The following RHOJ variants were observed in gnomAD, a reference collection of about 807,000 sequenced individuals.
RHOJ encodes rho-related GTP-binding protein RhoJ.
RHOJ carries 11 observed loss-of-function variants against 23.4 expected under a neutral mutation model. The observed-to-expected ratio is 0.47, with a 90% confidence interval of 0.30 to 0.78. RHOJ has a LOEUF of 0.78. Ranked by LOEUF, RHOJ falls within the 30% of genes least tolerant of loss-of-function variation. The pLI is 0.08. For synonymous variants in RHOJ, 102 were observed against 102.7 expected (o/e 0.99, Z 0.04); for missense variants, 254 against 273.4 (o/e 0.93, Z 0.50).
At chr14:63,260,459 G>A (rs1895252431) in intron 1 of RHOJ, among the ~76,000 whole-genome samples, 1 of 152,124 alleles carries the variant, frequency 6.6e-6, no homozygotes, top group Non-Finnish European at 1.5e-5. Context: ...TTTAAGTGAT[G>A]GGAGGTAAGT....
At chr14:63,269,950 G>A (rs1300896956) in intron 2 of RHOJ, among the ~76,000 whole-genome samples, 2 of 152,224 alleles carry the variant, frequency 1.3e-5, no homozygotes, top group Admixed American at 1.3e-4. Context: ...CGGATTGGTG[G>A]AGGGGAAGTG....
intron 1 of RHOJ, among the ~76,000 whole-genome samples, chr14:63,257,291 C>T (rs1375751374): frequency 4.7e-5 from 7 of 148,932 alleles, no homozygotes; most frequent in African/African-American, 1.7e-4. Flanking sequence ...CGACCCAGTC[C>T]CCAGCATCCC....
intron 1 of RHOJ, among the ~76,000 whole-genome samples, chr14:63,228,084 C>T (rs1317915068): frequency 2.0e-5 from 3 of 152,292 alleles, no homozygotes; most frequent in African/African-American, 7.2e-5. Context: ...AGGTGAAAGG[C>T]CATAGATTCT....
intron 3 of RHOJ, 129 bp downstream of exon 3, chr14:63,281,264 G>A: frequency 1.1e-6 from 1 of 880,340 alleles, no homozygotes; most frequent in East Asian, 2.8e-5. Flanking sequence ...CCTATGAACA[G>A]AAGTTCTTAA....
intron 2 of RHOJ, among the ~76,000 whole-genome samples, chr14:63,275,621 C>T (rs1881691519): frequency 6.6e-6 from 1 of 152,164 alleles, no homozygotes; most frequent in Admixed American, 6.5e-5. Flanking sequence ...CAAATCCTTC[C>T]CTGCACTCCC....
At chr14:63,208,089 T>C (rs1326279188) in intron 1 of RHOJ, among the ~76,000 whole-genome samples, 2 of 152,184 alleles carry the variant, frequency 1.3e-5, no homozygotes, top group Non-Finnish European at 2.9e-5. Context: ...TAATTAACAA[T>C]ATGTTTATAT....
At chr14:63,236,555 G>A (rs1205053962) in intron 1 of RHOJ, among the ~76,000 whole-genome samples, 3 of 152,012 alleles carry the variant, frequency 2.0e-5, no homozygotes, top group Non-Finnish European at 2.9e-5. Flanking sequence ...CCACAAGAAC[G>A]GCACGGGAAA....
At chr14:63,234,329 C>G (rs1461242701) in intron 1 of RHOJ, among the ~76,000 whole-genome samples, 1 of 152,208 alleles carries the variant, frequency 6.6e-6, no homozygotes, top group Non-Finnish European at 1.5e-5. Flanking sequence ...CTCTGCTCCT[C>G]CGACTAAACT....
intron 2 of RHOJ, among the ~76,000 whole-genome samples, chr14:63,274,773 C>T (rs972006354): frequency 1.3e-5 from 2 of 152,166 alleles, no homozygotes; most frequent in Non-Finnish European, 2.9e-5. Context: ...ACCATAGTCA[C>T]AAACCCAGAG....
At chr14:63,231,814 C>T (rs574160576) in intron 1 of RHOJ, among the ~76,000 whole-genome samples, 14 of 152,212 alleles carry the variant, frequency 9.2e-5, no homozygotes, top group Non-Finnish European at 1.9e-4. Context: ...ATACTTGATA[C>T]AACTTTTTTT....
At chr14:63,253,241 TC>T (rs1287217958) in intron 1 of RHOJ, among the ~76,000 whole-genome samples, 1 of 152,166 alleles carries the variant, frequency 6.6e-6, no homozygotes, top group Non-Finnish European at 1.5e-5. Flanking sequence ...AAAGTACACT[TC>T]CCTGAATGCT....
intron 1 of RHOJ, among the ~76,000 whole-genome samples, chr14:63,238,940 G>A (rs2139629776): frequency 6.6e-6 from 1 of 152,320 alleles, no homozygotes; most frequent in Non-Finnish European, 1.5e-5. Flanking sequence ...TGAGTGGGCA[G>A]CAGAGTTGGA....
intron 1 of RHOJ, among the ~76,000 whole-genome samples, chr14:63,225,267 A>T (rs1894571727): frequency 6.6e-6 from 1 of 152,146 alleles, no homozygotes; most frequent in African/African-American, 2.4e-5. Context: ...ATATATTTTT[A>T]AACAATAAAG....
chr14:63,243,529 G>A (rs555440793), intron 1 of RHOJ, among the ~76,000 whole-genome samples: 25 of 152,170 alleles, frequency 1.6e-4, no homozygotes, highest in African/African-American at 4.3e-4. Context: ...TAGTAGAGAC[G>A]GGGTTTCCCC....
At position 63,216,284 on chromosome 14, in the gene RHOJ, T is replaced by A. The variant is rs534387211; in HGVS notation, c.178+11237T>A. ...CTAGAGGCAAAGGGAAAAACTTAAT[T>A]ACTTGAAGTATGTGCTGCATACATT... On this transcript the variant is annotated intron_variant, in intron 1 of 4. Coordinates refer to ENST00000316754, the MANE Select transcript of RHOJ (RefSeq NM_020663.5). 2.6e-5 allele frequency among the ~76,000 whole-genome samples: 4 copies of A among 152,346 alleles called. No individual in the cohort carries two copies. In the South Asian group the frequency reaches 8.3e-4, roughly 32 times the overall value.
intron 2 of RHOJ, among the ~76,000 whole-genome samples, chr14:63,269,576 T>A (rs1895429398): frequency 6.6e-6 from 1 of 152,082 alleles, no homozygotes; most frequent in South Asian, 2.1e-4. Context: ...CCTAATGAAC[T>A]GTGAAAAGGC....
intron 1 of RHOJ, among the ~76,000 whole-genome samples, chr14:63,267,770 C>T (rs900700929): frequency 3.3e-5 from 5 of 152,132 alleles, no homozygotes; most frequent in African/African-American, 4.8e-5. Context: ...CCGGGGTGGA[C>T]GGAGCTGGGT....
At chr14:63,243,083 T>A (rs368826405) in intron 1 of RHOJ, among the ~76,000 whole-genome samples, 1 of 152,150 alleles carries the variant, frequency 6.6e-6, no homozygotes, top group African/African-American at 2.4e-5. Context: ...ACTTTTTAAA[T>A]TGAAATAAAA....
chr14:63,286,701 AC>A (rs1467220045), intron 4 of RHOJ, among the ~76,000 whole-genome samples: 1 of 152,232 alleles, frequency 6.6e-6, no homozygotes, highest in Admixed American at 6.5e-5. Flanking sequence ...AAACTGTTAA[AC>A]AGTCTCTTAG....
Sources: allele counts gnomAD v4.1 joint callset (sites outside exome capture counted in the v4.1 genomes callset), GRCh38; gene constraint gnomAD v4.1.1; transcripts MANE v1.5; gene names NCBI Gene and HGNC (gene_info 2026-07-23, HGNC 2026-07-21).